The following FNDC7 variants were observed in gnomAD, a reference collection of about 807,000 sequenced individuals.
FNDC7 encodes fibronectin type III domain-containing protein 7.
In FNDC7, 66 loss-of-function variants were observed where a neutral mutation model predicts 74.2. The observed-to-expected ratio is 0.89, with a 90% CI of 0.73 to 1.09. FNDC7 has a LOEUF of 1.09. Ranked by LOEUF, FNDC7 falls within the 50% of genes least tolerant of loss-of-function variation. FNDC7 has a pLI of 0.00. For synonymous variants in FNDC7, 307 were observed against 330.2 expected, an observed-to-expected ratio of 0.93 and a Z score of 0.76; for missense variants, 829 against 893.4, an observed-to-expected ratio of 0.93 and a Z score of 0.92.
chr1:108,731,036 C>T, intron 9 of FNDC7, 108 bp downstream of exon 9: 6 of 1,251,506 alleles, frequency 4.8e-6, no homozygotes, highest in Non-Finnish European at 6.5e-6. Flanking sequence ...ACCTAGTTTG[C>T]ATTATAAACT....
At position 108,728,722 on chromosome 1, in the gene FNDC7, AC is replaced by A; in HGVS notation, c.1461del (p.Tyr487Ter). ...CGATCCACTAATGATGATGCTACTT[AC>A]ACGGTGACTGCCCAAGGGGAGAAAG... is the stretch of plus-strand genomic sequence containing the variant. Reference protein sequence around the residue: ...HWRSTNDDATYTVTAQGEKGL... With the variant: ...HWRSTNDDATXTVTAQGEKGL... On this transcript the variant is annotated frameshift_variant, in exon 8 of 13. Transcript: ENST00000370017. LOFTEE classifies it high-confidence loss of function. The A allele has an allele frequency of 6.2e-7, 1 of 1,614,294 alleles. No homozygotes were observed. Among genetic ancestry groups the A allele is most frequent in the Non-Finnish European group, 8.5e-7 (1 of 1,180,044 alleles).
At chr1:108,717,036 G>C (rs1223374837) in intron 2 of FNDC7, among the ~76,000 whole-genome samples, 1 of 152,172 alleles carries the variant, frequency 6.6e-6, no homozygotes, top group African/African-American at 2.4e-5. Context: ...GTAAGCCCAT[G>C]ACATAAGCAT....
chr1:108,721,197 C>T (rs539991658), intron 4 of FNDC7, among the ~76,000 whole-genome samples: 70 of 152,318 alleles, frequency 4.6e-4, no homozygotes, highest in African/African-American at 1.6e-3. Flanking sequence ...CGGCCGGGCA[C>T]GGTAGCTCAC....
At chr1:108,735,858 T>G (rs1281535719) in intron 10 of FNDC7, among the ~76,000 whole-genome samples, 2 of 152,078 alleles carry the variant, frequency 1.3e-5, no homozygotes, top group Non-Finnish European at 1.5e-5. Flanking sequence ...CAGGCTAGAG[T>G]TCAGTGGTGC....
At position 108,733,539 on chromosome 1, in the gene FNDC7, C is replaced by T; in HGVS notation, c.2140+7C>T. 1 of 1,609,106 alleles carries T rather than the reference C, an allele frequency of 6.2e-7. No individual in the cohort carries two copies. The highest frequency in any genetic ancestry group is 8.5e-7 in the Non-Finnish European group (1 of 1,176,070). ...CCAAAAAAAATATATTCAGGTAAAG[C>T]AAGTTATGACAGTTTATCTAAAACT... On this transcript the variant is annotated splice_region_variant and intron_variant, in intron 10 of 12. Transcript: ENST00000370017.
intron 1 of FNDC7, 69 bp downstream of exon 1, chr1:108,713,065 C>CT (rs551804204): frequency 0.046 from 48,853 of 1,071,160 alleles, 3 homozygotes; most frequent in Middle Eastern, 0.061. Context: ...TTTTTCTCTC[C>CT]TTTTTTTTTT....
intron 4 of FNDC7, among the ~76,000 whole-genome samples, chr1:108,719,314 A>G (rs1661042521): frequency 2.0e-5 from 3 of 152,222 alleles, no homozygotes; most frequent in Admixed American, 2.0e-4. Flanking sequence ...CAGCATTCAC[A>G]TTCGACCTCA....
At chr1:108,737,438 T>G in intron 10 of FNDC7, 57 bp from the exon 11 acceptor site, 1 of 1,422,476 alleles carries the variant, frequency 7.0e-7, no homozygotes, top group Non-Finnish European at 9.6e-7. Flanking sequence ...AAATCTTCAC[T>G]ATCTTAAATA....
chr1:108,736,322 T>A (rs1011118793), intron 10 of FNDC7, among the ~76,000 whole-genome samples: 1 of 152,070 alleles, frequency 6.6e-6, no homozygotes, highest in Non-Finnish European at 1.5e-5. Flanking sequence ...ATTTTCCTTG[T>A]CTGTGAAGCC....
intron 2 of FNDC7, among the ~76,000 whole-genome samples, chr1:108,716,386 G>A (rs961863907): frequency 1.4e-5 from 2 of 147,678 alleles, no homozygotes; most frequent in Non-Finnish European, 3.0e-5. Flanking sequence ...TTGGAAGAGG[G>A]AGCCCCTGCT....
intron 10 of FNDC7, 112 bp from the exon 11 acceptor site, chr1:108,737,383 C>T (rs1405589881): frequency 2.2e-6 from 2 of 906,718 alleles, no homozygotes; most frequent in Non-Finnish European, 3.3e-6. Flanking sequence ...CAAGTTCGTT[C>T]TTGTTCGTTT....
At position 108,733,412 on chromosome 1, in the gene FNDC7, G is replaced by C; in HGVS notation, c.2020G>C (p.Ala674Pro). ...SKGIFTCTPSAGLSFCDVTEI... is the reference protein window; with the variant it reads ...SKGIFTCTPSPGLSFCDVTEI... ...AGGCATTTTCACGTGCACCCCGAGT[G>C]CTGGCCTCAGTTTCTGTGATGTCAC... The change falls in exon 10 of 13, where the codon GCT becomes CCT. Residue 674 changes from alanine (A) to proline (P), a missense_variant. Ala to Pro is a conservative substitution (Grantham distance 27). Coordinates refer to ENST00000370017, the MANE Select transcript of FNDC7 (RefSeq NM_001144937.3). 1 of 1,614,134 alleles carries C rather than the reference G, an allele frequency of 6.2e-7. No homozygotes were observed.
In FNDC7 at chr1:108,727,854, C is replaced by CA; in HGVS notation, c.1159dup (p.Arg387LysfsTer3). 6.2e-7 allele frequency: 1 copy of CA among 1,614,164 alleles called. No homozygotes were observed. The highest frequency in any genetic ancestry group is 8.5e-7 in the Non-Finnish European group (1 of 1,180,032). Reference sequence around the variant, plus strand: ...TTAACCCCGTGTTGGTGTCCAGTGACAGAGTTGAGATTGTCTGGTCTCCTG... The same window carrying CA: ...TTAACCCCGTGTTGGTGTCCAGTGACAAGAGTTGAGATTGTCTGGTCTCCTG... On this transcript the variant is annotated frameshift_variant, in exon 7 of 13. Coordinates refer to ENST00000370017, the MANE Select transcript of FNDC7 (RefSeq NM_001144937.3). LOFTEE classifies it high-confidence loss of function.
At chr1:108,740,786 T>C (rs1234600721) in intron 11 of FNDC7, among the ~76,000 whole-genome samples, 2 of 152,252 alleles carry the variant, frequency 1.3e-5, no homozygotes, top group Non-Finnish European at 2.9e-5. Flanking sequence ...AATGAGAATG[T>C]AAATTATTGG....
At position 108,727,973 on chromosome 1, in the gene FNDC7, TAG is replaced by T. The variant is rs770888870; in HGVS notation, c.1280_1281del (p.Glu427ValfsTer2). On this transcript the variant is annotated frameshift_variant, in exon 7 of 13. Transcript: ENST00000370017. LOFTEE classifies it high-confidence loss of function. Reference sequence around the variant, plus strand: ...ACTCCTGCGTGCACCCTTTCGGCTCTAGAGTGTGACACCAAGTACAACATCAC... The same window carrying T: ...ACTCCTGCGTGCACCCTTTCGGCTCTAGTGTGACACCAAGTACAACATCAC... The T allele has an allele frequency of 6.2e-7, 1 of 1,614,048 alleles. No homozygotes were observed. The highest frequency in any genetic ancestry group is 1.3e-5 in the African/African-American group (1 of 74,920).
In FNDC7 at chr1:108,727,743, A is replaced by G. The variant is rs546392183; in HGVS notation, c.1112-65A>G. The G allele has an allele frequency of 1.8e-4, 288 of 1,580,588 alleles. 3 individuals carry two copies. In the Middle Eastern group the frequency reaches 2.0e-3, roughly 11 times the overall value. On this transcript the variant is annotated intron_variant, in intron 6 of 12. Transcript: ENST00000370017. ...GGCTCTGGGCATGGGAGGTCAGGAC[A>G]CAGTGTACCCCCAGCTGCATTGCTC...
chr1:108,729,060 C>G (rs1661284380), intron 8 of FNDC7, among the ~76,000 whole-genome samples, 174 bp downstream of exon 8: 1 of 152,228 alleles, frequency 6.6e-6, no homozygotes, highest in Non-Finnish European at 1.5e-5. Context: ...TTTACAAGTT[C>G]TGTAAAAATA....
At chr1:108,726,147 C>A (rs540865923) in intron 6 of FNDC7, 143 bp downstream of exon 6, 37 of 1,114,702 alleles carry the variant, frequency 3.3e-5, no homozygotes, top group Admixed American at 1.2e-4. Flanking sequence ...ATCTCACATT[C>A]TTTCCAGACT....
At chr1:108,732,328 C>T (rs1349507609) in intron 9 of FNDC7, among the ~76,000 whole-genome samples, 1 of 121,988 alleles carries the variant, frequency 8.2e-6, no homozygotes. Context: ...GGCAACAGAG[C>T]GAGACTCCGT....
Sources: allele counts gnomAD v4.1 joint callset (sites outside exome capture counted in the v4.1 genomes callset), GRCh38; gene constraint gnomAD v4.1.1; transcripts MANE v1.5; gene names NCBI Gene and HGNC (gene_info 2026-07-23, HGNC 2026-07-21).